Variants in ELP4 observed in about 807,000 individuals in gnomAD.
ELP4 encodes elongator acetyltransferase complex subunit 4.
A neutral mutation model predicts 48.9 loss-of-function variants in ELP4; 51 were observed. The observed-to-expected ratio is 1.04, with a 90% confidence interval of 0.83 to 1.32. The LOEUF (loss-of-function observed/expected upper bound fraction) is 1.32. Among genes scored for constraint, ELP4 ranks in the 40% most tolerant of loss-of-function variants. The probability of loss-of-function intolerance (pLI) is 0.00; values close to 1 mark genes in which losing one functional copy is unlikely to be tolerated. For synonymous variants in ELP4, 210 were observed against 189.2 expected, an observed-to-expected ratio of 1.11 and a Z score of -0.90; for missense variants, 519 against 514.6, an observed-to-expected ratio of 1.01 and a Z score of -0.08.
At chr11:31,659,451 G>A (rs1945507336) in intron 9 of ELP4, among the ~76,000 whole-genome samples, 2 of 152,054 alleles carry the variant, frequency 1.3e-5, no homozygotes, top group African/African-American at 4.8e-5. Context: ...TCAATTTTTT[G>A]TCAGAATGTC....
chr11:31,595,671 C>G (rs899165378), intron 4 of ELP4, among the ~76,000 whole-genome samples: 14 of 152,154 alleles, frequency 9.2e-5, no homozygotes, highest in Admixed American at 6.5e-5. Flanking sequence ...CTACCCCCTT[C>G]TAAATAAATA....
intron 7 of ELP4, chr11:31,633,881 T>A (rs1171366131): frequency 6.6e-6 from 1 of 152,028 alleles, no homozygotes; most frequent in Non-Finnish European, 1.5e-5. Flanking sequence ...GTGAAACAGA[T>A]AGTTTTTACC....
intron 2 of ELP4, among the ~76,000 whole-genome samples, chr11:31,529,503 T>C (rs1258455521): frequency 2.0e-5 from 3 of 152,150 alleles, no homozygotes; most frequent in African/African-American, 4.8e-5. Flanking sequence ...GTCGTAGACA[T>C]TGAAGTTGCT....
At chr11:31,657,951 A>G (rs1412160127) in intron 9 of ELP4, among the ~76,000 whole-genome samples, 2 of 152,052 alleles carry the variant, frequency 1.3e-5, no homozygotes, top group African/African-American at 2.4e-5. Flanking sequence ...AACTACCCAT[A>G]TAACATTATT....
chr11:31,544,129 G>A (rs1956645741), intron 3 of ELP4, among the ~76,000 whole-genome samples: 1 of 152,232 alleles, frequency 6.6e-6, no homozygotes, highest in African/African-American at 2.4e-5. Context: ...ATCTCACTAG[G>A]GAGTGCCAGA....
At chr11:31,558,819 A>T (rs1414086153) in intron 3 of ELP4, among the ~76,000 whole-genome samples, 1 of 152,200 alleles carries the variant, frequency 6.6e-6, no homozygotes, top group East Asian at 1.9e-4. Context: ...TTCTTAGATG[A>T]TTATTGTTAT....
rs568915359 is a variant in ELP4 at position 31,551,376 on chromosome 11, A to G, written c.381+11593A>G. On this transcript the variant is annotated intron_variant, in intron 3 of 9. Coordinates refer to ENST00000640961, the MANE Select transcript of ELP4 (RefSeq NM_019040.5). ...GATTTCTTTGGGACATTGTCCCCAT[A>G]AACTAGTCTCAAAGCATCAATGATT... Among the ~76,000 whole-genome samples the G allele has an allele frequency of 2.6e-5, 4 of 152,256 alleles. No individual in the cohort carries two copies. The East Asian group carries it at 7.7e-4, about 29-fold the overall frequency.
At chr11:31,545,779 G>T (rs12279150) in intron 3 of ELP4, among the ~76,000 whole-genome samples, 3 of 152,172 alleles carry the variant, frequency 2.0e-5, no homozygotes, top group South Asian at 2.1e-4. Context: ...GAGTAACAGC[G>T]GATCTCTCTG....
chr11:31,773,254 T>G (rs1350472685), intron 9 of ELP4, among the ~76,000 whole-genome samples: 1 of 152,244 alleles, frequency 6.6e-6, no homozygotes, highest in Non-Finnish European at 1.5e-5. Context: ...AGAGCTTGTC[T>G]TACATAGTTC....
At chr11:31,698,663 T>C (rs1159732642) in intron 9 of ELP4, among the ~76,000 whole-genome samples, 1 of 152,142 alleles carries the variant, frequency 6.6e-6, no homozygotes, top group Admixed American at 6.6e-5. Flanking sequence ...TCCACCCCTC[T>C]CAGCCTCCCA....
At chr11:31,579,911 G>C (rs1957359095) in intron 3 of ELP4, among the ~76,000 whole-genome samples, 1 of 151,812 alleles carries the variant, frequency 6.6e-6, no homozygotes, top group South Asian at 2.1e-4. Flanking sequence ...TTGTGCACCT[G>C]TACCCTAGAA....
intron 4 of ELP4, among the ~76,000 whole-genome samples, chr11:31,597,415 G>C (rs1021866395): frequency 6.6e-6 from 1 of 152,158 alleles, no homozygotes; most frequent in African/African-American, 2.4e-5. Flanking sequence ...AGTCTGTCTA[G>C]AAAAATATGA....
chr11:31,569,092 A>T (rs1422186648), intron 3 of ELP4, among the ~76,000 whole-genome samples: 3 of 151,986 alleles, frequency 2.0e-5, no homozygotes, highest in Admixed American at 1.3e-4. Flanking sequence ...CTCAAAAAAA[A>T]AAATAAAAAA....
At chr11:31,686,595 T>C (rs1191877279) in intron 9 of ELP4, among the ~76,000 whole-genome samples, 2 of 152,130 alleles carry the variant, frequency 1.3e-5, no homozygotes, top group East Asian at 1.9e-4. Context: ...GAAGTATCAC[T>C]CTGGGCCTGG....
At chr11:31,552,281 C>G (rs191447188) in intron 3 of ELP4, among the ~76,000 whole-genome samples, 2 of 152,130 alleles carry the variant, frequency 1.3e-5, no homozygotes, top group African/African-American at 4.8e-5. Context: ...CCTGTTCTCT[C>G]GCTGATCACG....
intron 4 of ELP4, among the ~76,000 whole-genome samples, chr11:31,603,257 A>T (rs1017921778): frequency 2.0e-5 from 3 of 151,850 alleles, no homozygotes; most frequent in African/African-American, 7.2e-5. Context: ...AGAAATGTTT[A>T]ATATACACGT....
chr11:31,649,916 G>T (rs1350094098), intron 8 of ELP4, 199 bp from the exon 9 acceptor site: 5 of 393,772 alleles, frequency 1.3e-5, no homozygotes, highest in Non-Finnish European at 4.5e-6. Context: ...CTCGCACAAG[G>T]ATTTCTGTTT....
At chr11:31,549,510 G>GA (rs1164076644) in intron 3 of ELP4, among the ~76,000 whole-genome samples, 1 of 151,676 alleles carries the variant, frequency 6.6e-6, no homozygotes. Flanking sequence ...AGGATGTGGA[G>GA]AAATAGGAAC....
intron 9 of ELP4, among the ~76,000 whole-genome samples, chr11:31,717,554 G>T (rs1251579409): frequency 6.6e-6 from 1 of 152,044 alleles, no homozygotes; most frequent in East Asian, 1.9e-4. Flanking sequence ...AGGAGTTCAG[G>T]ACCAGCCTGA....
Sources: gnomAD v4.1 joint callset for allele counts (sites outside exome capture counted in the v4.1 genomes callset) on GRCh38, gnomAD v4.1.1 for gene constraint, MANE v1.5 for transcripts, NCBI Gene and HGNC (gene_info 2026-07-23, HGNC 2026-07-21) for gene names.